RASAL2: variants seen among roughly 807,000 people sequenced by gnomAD.
RASAL2 encodes the protein ras GTPase-activating protein nGAP.
A neutral mutation model predicts 128.9 loss-of-function variants in RASAL2; 58 were observed. The ratio of observed to expected loss-of-function variants is 0.45; its 90% CI spans 0.36 to 0.56. The LOEUF (loss-of-function observed/expected upper bound fraction) is 0.56. Ranked by LOEUF, RASAL2 falls within the 20% of genes least tolerant of loss-of-function variation. RASAL2 has a pLI of 0.00. For synonymous variants in RASAL2, 561 were observed against 580.8 expected, an observed-to-expected ratio of 0.97 and a Z score of 0.49; for missense variants, 1,360 against 1,601.6, an observed-to-expected ratio of 0.85 and a Z score of 2.57.
intron 3 of RASAL2, among the ~76,000 whole-genome samples, chr1:178,347,786 C>T (rs1309801648): frequency 1.3e-5 from 2 of 152,184 alleles, no homozygotes; most frequent in Non-Finnish European, 2.9e-5. Flanking sequence ...AGTGACCCAG[C>T]AATTACACTC....
intron 1 of RASAL2, among the ~76,000 whole-genome samples, chr1:178,254,981 GA>G (rs1464818566): frequency 1.0e-4 from 15 of 147,216 alleles, no homozygotes; most frequent in Middle Eastern, 3.4e-3. Context: ...CTCTGTGGGG[GA>G]AAAAAAAAGG....
intron 4 of RASAL2, among the ~76,000 whole-genome samples, chr1:178,410,242 C>A (rs984592382): frequency 5.9e-5 from 9 of 151,856 alleles, no homozygotes; most frequent in Admixed American, 1.3e-4. Context: ...AAAAATATTA[C>A]TGTTTAAGAT....
intron 4 of RASAL2, among the ~76,000 whole-genome samples, chr1:178,416,430 CAT>C (rs1326456897): frequency 6.6e-6 from 1 of 151,814 alleles, no homozygotes; most frequent in African/African-American, 2.4e-5. Flanking sequence ...GCATATATAT[CAT>C]ATAGACATAA....
Position 178,457,968 on chromosome 1 carries a change from A to T in RASAL2, c.2676A>T (p.Glu892Asp), listed in dbSNP as rs756338729. Residue 892 changes from glutamate to aspartate, a missense_variant, in exon 14 of 18, where the codon GAA becomes GAT. Around this residue, in one of 3 missense-constraint regions of RASAL2, gnomAD observed 741 missense variants for 868.6 expected, o/e 0.85. Transcript: ENST00000367649. ...TQVASIKQLR[E>D]TQSTPQSAPQ... ...TGGCCAGCATCAAACAGCTGCGGGA[A>T]ACCCAGAGCACTCCCCAAAGTGCAC... 28 of 1,614,082 alleles carry T rather than the reference A, an allele frequency of 1.7e-5. No individual in the cohort carries two copies. The highest frequency in any genetic ancestry group is 2.3e-5 in the Non-Finnish European group (27 of 1,180,034).
intron 4 of RASAL2, among the ~76,000 whole-genome samples, chr1:178,410,482 GA>G (rs1270412781): frequency 2.0e-5 from 3 of 152,066 alleles, no homozygotes; most frequent in Non-Finnish European, 4.4e-5. Context: ...TCGTGATCAA[GA>G]ACCCAAAAGC....
Position 178,287,341 on chromosome 1 carries a change from T to C in RASAL2, c.330+3650T>C, listed in dbSNP as rs146441346. 3.3e-5 allele frequency among the ~76,000 whole-genome samples: 5 copies of C among 152,064 alleles called. No homozygotes were observed. The East Asian group carries it at 9.7e-4, about 29-fold the overall frequency. On this transcript the variant is annotated intron_variant, in intron 2 of 17. Coordinates refer to ENST00000367649, the MANE Select transcript of RASAL2 (RefSeq NM_170692.4). ...TCCCACTTCAGTTACTGTCCCACTC[T>C]CCTGGACTAGTGCTTCACATTCTAT...
chr1:178,150,832 GA>G (rs1253332235), intron 1 of RASAL2, among the ~76,000 whole-genome samples: 1 of 151,988 alleles, frequency 6.6e-6, no homozygotes, highest in African/African-American at 2.4e-5. Flanking sequence ...GATGAGGTGG[GA>G]AAAAAGCAAC....
At chr1:178,312,909 T>C (rs1185977433) in intron 3 of RASAL2, among the ~76,000 whole-genome samples, 1 of 152,220 alleles carries the variant, frequency 6.6e-6, no homozygotes, top group Non-Finnish European at 1.5e-5. Context: ...ACTTTACATA[T>C]ATGAATTTTT....
chr1:178,221,310 G>A (rs1663604895), intron 1 of RASAL2, among the ~76,000 whole-genome samples: 1 of 152,022 alleles, frequency 6.6e-6, no homozygotes, highest in South Asian at 2.1e-4. Flanking sequence ...TACTTACGTT[G>A]TATTTAATTT....
chr1:178,123,127 C>G (rs1052207014), intron 1 of RASAL2: 1 of 152,150 alleles, frequency 6.6e-6, no homozygotes, highest in African/African-American at 2.4e-5. Context: ...TCACCCATCT[C>G]TCACCAATCA....
chr1:178,357,633 CAAAA>C (rs1445292026), intron 3 of RASAL2, among the ~76,000 whole-genome samples: 1 of 151,904 alleles, frequency 6.6e-6, no homozygotes. Context: ...AAACAAAAAA[CAAAA>C]AACATGTGTT....
intron 3 of RASAL2, among the ~76,000 whole-genome samples, chr1:178,384,510 G>C (rs1037901696): frequency 6.6e-6 from 1 of 151,904 alleles, no homozygotes; most frequent in African/African-American, 2.4e-5. Flanking sequence ...TTCTCAACAT[G>C]AGCTAAAATT....
At chr1:178,386,530 A>G (rs1008969088) in intron 3 of RASAL2, among the ~76,000 whole-genome samples, 6 of 152,236 alleles carry the variant, frequency 3.9e-5, no homozygotes, top group African/African-American at 1.4e-4. Flanking sequence ...AAGTCATCAC[A>G]TCATCTGAGG....
intron 1 of RASAL2, among the ~76,000 whole-genome samples, chr1:178,201,495 C>A (rs1184702261): frequency 6.6e-6 from 1 of 152,194 alleles, no homozygotes; most frequent in Non-Finnish European, 1.5e-5. Flanking sequence ...GCATCTGCAT[C>A]TTGGAAGAGC....
intron 4 of RASAL2, among the ~76,000 whole-genome samples, chr1:178,406,515 A>G (rs1284866576): frequency 6.6e-6 from 1 of 152,228 alleles, no homozygotes; most frequent in African/African-American, 2.4e-5. Context: ...GCATACATTT[A>G]TCAAAACTTG....
intron 1 of RASAL2, among the ~76,000 whole-genome samples, chr1:178,264,590 CAT>C (rs1665859054): frequency 6.6e-6 from 1 of 152,124 alleles, no homozygotes; most frequent in African/African-American, 2.4e-5. Flanking sequence ...AAAAGGATAT[CAT>C]AGAGGACACA....
At chr1:178,100,291 G>A (rs536201857) in intron 1 of RASAL2, among the ~76,000 whole-genome samples, 14 of 151,938 alleles carry the variant, frequency 9.2e-5, no homozygotes, top group African/African-American at 2.4e-4. Context: ...CAAGGTGGGC[G>A]GATCACCTGA....
At chr1:178,209,014 T>A (rs1052403228) in intron 1 of RASAL2, among the ~76,000 whole-genome samples, 16 of 152,050 alleles carry the variant, frequency 1.1e-4, no homozygotes, top group African/African-American at 3.9e-4. Flanking sequence ...GGTACTTTGG[T>A]TATATTTCTT....
At chr1:178,278,089 G>C (rs1666611305) in intron 1 of RASAL2, among the ~76,000 whole-genome samples, 1 of 152,146 alleles carries the variant, frequency 6.6e-6, no homozygotes, top group South Asian at 2.1e-4. Flanking sequence ...CAGAGAGGGG[G>C]CCCAGAAGAG....
Sources: allele counts gnomAD v4.1 joint callset (sites outside exome capture counted in the v4.1 genomes callset), GRCh38; gene constraint gnomAD v4.1.1; regional missense constraint gnomAD v4.1.1; transcripts MANE v1.5; gene names NCBI Gene and HGNC (gene_info 2026-07-23, HGNC 2026-07-21).